Variants in ANO2 observed in about 807,000 individuals in gnomAD.
ANO2 encodes the protein anoctamin 2.
ANO2 carries 101 observed loss-of-function variants against 124.2 expected under a neutral mutation model. The observed-to-expected ratio is 0.81, with a 90% CI of 0.69 to 0.96. The LOEUF (loss-of-function observed/expected upper bound fraction) is 0.96. ANO2 is among the 40% of genes least tolerant of loss of function. The pLI is 0.00. For missense variants in ANO2, 1,293 were observed against 1,274.5 expected (o/e 1.01, Z -0.22); for synonymous variants, 486 against 482.5 (o/e 1.01, Z -0.09).
At chr12:5,795,148 G>A (rs1288010948) in intron 10 of ANO2, among the ~76,000 whole-genome samples, 3 of 152,234 alleles carry the variant, frequency 2.0e-5, no homozygotes, top group African/African-American at 7.2e-5. Context: ...CCTTGCAGTA[G>A]GAGGGAGATC....
chr12:5,887,824 C>G (rs1939045237), intron 3 of ANO2, among the ~76,000 whole-genome samples: 1 of 151,748 alleles, frequency 6.6e-6, no homozygotes, highest in South Asian at 2.1e-4. Context: ...TAACATGCCC[C>G]CCGGTTTTTT....
chr12:5,923,029 CAT>C (rs1456574039), intron 1 of ANO2, among the ~76,000 whole-genome samples: 5 of 139,930 alleles, frequency 3.6e-5, no homozygotes, highest in South Asian at 2.2e-4. Flanking sequence ...CGCACACACA[CAT>C]ACACACACAT....
chr12:5,607,310 T>C (rs1944269965), intron 19 of ANO2, among the ~76,000 whole-genome samples: 1 of 152,198 alleles, frequency 6.6e-6, no homozygotes, highest in Non-Finnish European at 1.5e-5. Flanking sequence ...GTTGGCCACC[T>C]GGAAACCCCA....
intron 3 of ANO2, among the ~76,000 whole-genome samples, chr12:5,913,852 A>G (rs1372029661): frequency 6.6e-6 from 1 of 152,206 alleles, no homozygotes; most frequent in Non-Finnish European, 1.5e-5. Context: ...CTCTAAAGAC[A>G]GAATTTCTGA....
chr12:5,662,864 T>G (rs1355526805), intron 14 of ANO2, among the ~76,000 whole-genome samples: 1 of 152,104 alleles, frequency 6.6e-6, no homozygotes, highest in African/African-American at 2.4e-5. Context: ...AAAAGGCAAG[T>G]TGGGTAGGAC....
chr12:5,814,814 A>T (rs1004207788), intron 7 of ANO2, among the ~76,000 whole-genome samples: 5 of 152,222 alleles, frequency 3.3e-5, no homozygotes, highest in Non-Finnish European at 5.9e-5. Context: ...TCCATTTCCT[A>T]ATTAAATTAG....
chr12:5,565,703 T>C lies in ANO2; in HGVS notation c.2622-40A>G, dbSNP rs367720215. On this transcript the variant is annotated intron_variant, in intron 23 of 24. Transcript: ENST00000682330. ...ATGTGGTGTTAAGATCAGGAGCGCA[T>C]GGAGAAAAGGGTGGTCATTCTCTGG... is the stretch of plus-strand genomic sequence containing the variant. 5 of 1,502,596 alleles carry C rather than the reference T, an allele frequency of 3.3e-6. No individual in the cohort carries two copies. In the African/African-American group the frequency reaches 4.2e-5, roughly 13 times the overall value. 93.1% of individuals were successfully genotyped at this position (1,502,596 alleles called of 1,614,324 possible). A position where few individuals can be genotyped will look rare whatever the true frequency, so the allele number is the denominator to read the frequency against.
At chr12:5,738,469 C>T (rs949083716) in intron 13 of ANO2, among the ~76,000 whole-genome samples, 4 of 152,150 alleles carry the variant, frequency 2.6e-5, no homozygotes, top group African/African-American at 7.2e-5. Context: ...CCCTCACCCA[C>T]GATATCCACA....
intron 4 of ANO2, among the ~76,000 whole-genome samples, chr12:5,839,056 A>AT (rs1391493640): frequency 1.3e-5 from 2 of 152,190 alleles, no homozygotes; most frequent in African/African-American, 2.4e-5. Context: ...TGAAATAATG[A>AT]TTTTCAAGAT....
intron 13 of ANO2, among the ~76,000 whole-genome samples, chr12:5,736,313 C>T (rs1015308329): frequency 2.0e-5 from 3 of 152,104 alleles, no homozygotes; most frequent in African/African-American, 7.2e-5. Flanking sequence ...CTGGGGTGAC[C>T]CACCTGCTGA....
intron 20 of ANO2, among the ~76,000 whole-genome samples, chr12:5,584,911 G>A (rs1943023267): frequency 6.6e-6 from 1 of 152,102 alleles, no homozygotes; most frequent in Non-Finnish European, 1.5e-5. Flanking sequence ...AGCATTTACT[G>A]AGCACATTCT....
intron 14 of ANO2, among the ~76,000 whole-genome samples, chr12:5,718,960 G>A (rs1335308520): frequency 6.6e-6 from 1 of 152,216 alleles, no homozygotes; most frequent in Non-Finnish European, 1.5e-5. Flanking sequence ...GCAGCTTCCT[G>A]CTGATGCTGT....
At chr12:5,873,945 C>T (rs979075152) in intron 3 of ANO2, among the ~76,000 whole-genome samples, 2 of 152,198 alleles carry the variant, frequency 1.3e-5, no homozygotes, top group African/African-American at 4.8e-5. Context: ...CCAACCCAAC[C>T]AAGAGACGCG....
At chr12:5,679,479 A>T (rs1565558476) in intron 14 of ANO2, among the ~76,000 whole-genome samples, 4 of 152,254 alleles carry the variant, frequency 2.6e-5, no homozygotes, top group Admixed American at 2.6e-4. Context: ...TGGGCAGAGG[A>T]CATAAACAGA....
rs1490375491 is a variant in ANO2, at chr12:5,636,703, C to T, written c.1621-1356G>A. Reference sequence around the variant, plus strand: ...GGGGGTAAGAGGAGGGGAGGAGAGGCACAGGAGGAAAGGGGAGGGGAAGTG... The same window carrying T: ...GGGGGTAAGAGGAGGGGAGGAGAGGTACAGGAGGAAAGGGGAGGGGAAGTG... On this transcript the variant is annotated intron_variant, in intron 15 of 24. Transcript: ENST00000682330. The surrounding 1 kb of genome is among the most constrained non-coding windows in gnomAD (Gnocchi z 4.6). Among the ~76,000 whole-genome samples the T allele has an allele frequency of 6.7e-6, 1 of 149,008 alleles. No individual in the cohort carries two copies. Among genetic ancestry groups the T allele is most frequent in the African/African-American group, 2.5e-5 (1 of 40,218 alleles).
At chr12:5,631,158 A>C (rs1324323102) in intron 16 of ANO2, among the ~76,000 whole-genome samples, 1 of 152,216 alleles carries the variant, frequency 6.6e-6, no homozygotes, top group African/African-American at 2.4e-5. Flanking sequence ...CTATTCTAAC[A>C]CTGGGAACAC....
chr12:5,888,501 C>T (rs1339545028), intron 3 of ANO2, among the ~76,000 whole-genome samples: 2 of 152,144 alleles, frequency 1.3e-5, no homozygotes, highest in Non-Finnish European at 2.9e-5. Context: ...GCCAATTGGT[C>T]TATTTTACAG....
Position 5,562,835 on chromosome 12 carries a change from G to C in ANO2, c.*464C>G, listed in dbSNP as rs1282811872. 1.2e-5 allele frequency: 2 copies of C among 165,458 alleles called. No individual in the cohort carries two copies. Among genetic ancestry groups the C allele is most frequent in the African/African-American group, 4.8e-5 (2 of 41,764 alleles). 10.2% of individuals were successfully genotyped at this position (165,458 alleles called of 1,614,324 possible). The stretch of plus-strand genomic sequence containing the variant: ...ACCATTCAGCCTTGTAACTTAATTT[G>C]CATCTGCTGAGACTGTGGCAGCCCC... On this transcript the variant is annotated 3_prime_UTR_variant, in exon 25 of 25. Transcript: ENST00000682330.
At chr12:5,614,803 G>A (rs1199039704) in intron 17 of ANO2, among the ~76,000 whole-genome samples, 6 of 152,156 alleles carry the variant, frequency 3.9e-5, no homozygotes, top group Non-Finnish European at 4.4e-5. Context: ...GTGAGGGGCC[G>A]TGCCCTTAAC....
Sources: allele counts gnomAD v4.1 joint callset (sites outside exome capture counted in the v4.1 genomes callset), GRCh38; gene constraint gnomAD v4.1.1; non-coding constraint Gnocchi (gnomAD v3.1); transcripts MANE v1.5; gene names NCBI Gene and HGNC (gene_info 2026-07-23, HGNC 2026-07-21).